Variants in LINGO2 observed in about 807,000 individuals in gnomAD.
LINGO2 encodes leucine-rich repeat and immunoglobulin-like domain-containing nogo receptor-interacting protein 2.
LINGO2 carries 14 observed loss-of-function variants against 30.6 expected under a neutral mutation model. The ratio of observed to expected loss-of-function variants is 0.46; its 90% CI spans 0.30 to 0.72. LINGO2 has a LOEUF of 0.72. Ranked by LOEUF, LINGO2 falls within the 30% of genes least tolerant of loss-of-function variation. The pLI is 0.07. For synonymous variants in LINGO2, 317 were observed against 288.5 expected (o/e 1.10, Z -1.00); for missense variants, 729 against 751.7 (o/e 0.97, Z 0.35).
chr9:29,090,915 T>A, the LINGO2 span, among the ~76,000 whole-genome samples: 7 of 152,190 alleles, frequency 4.6e-5, no homozygotes, highest in East Asian at 1.2e-3. Context: ...TTTTCAGTAA[T>A]TATTATCTTG....
the LINGO2 span, among the ~76,000 whole-genome samples, chr9:29,192,469 T>C: frequency 1.6e-4 from 24 of 152,280 alleles, no homozygotes; most frequent in African/African-American, 5.5e-4. Context: ...CACAGAAGTA[T>C]TGATGGCTCC....
the LINGO2 span, among the ~76,000 whole-genome samples, chr9:28,898,866 C>A: frequency 6.6e-6 from 1 of 152,086 alleles, no homozygotes; most frequent in Non-Finnish European, 1.5e-5. Flanking sequence ...CTCAAACCCC[C>A]ATGACATGAG....
chr9:29,000,959 A>G, the LINGO2 span, among the ~76,000 whole-genome samples: 2 of 152,024 alleles, frequency 1.3e-5, no homozygotes, highest in East Asian at 1.9e-4. Flanking sequence ...AAGGAATAAT[A>G]TCAGAATTTT....
intron 4 of LINGO2, among the ~76,000 whole-genome samples, chr9:28,200,996 CTT>C: frequency 6.9e-6 from 1 of 144,368 alleles, no homozygotes; most frequent in African/African-American, 2.5e-5. Flanking sequence ...ACAGATTCAG[CTT>C]TTTTTTTTTT....
chr9:28,686,941 T>C, the LINGO2 span, among the ~76,000 whole-genome samples: 4 of 152,162 alleles, frequency 2.6e-5, no homozygotes, highest in South Asian at 2.1e-4. Flanking sequence ...TCATTTCAAA[T>C]TCTGTGTCAC....
chr9:28,717,662 TC>T, the LINGO2 span, among the ~76,000 whole-genome samples: 1 of 152,048 alleles, frequency 6.6e-6, no homozygotes, highest in Admixed American at 6.6e-5. Context: ...AGAGTGTTTT[TC>T]CCCACTCAAA....
chr9:28,606,532 A>G (rs1299718967), intron 1 of LINGO2, among the ~76,000 whole-genome samples: 1 of 152,048 alleles, frequency 6.6e-6, no homozygotes. Flanking sequence ...TCATTTAAGG[A>G]TAATACAGAC....
the LINGO2 span, among the ~76,000 whole-genome samples, chr9:28,936,921 G>A: frequency 6.6e-6 from 1 of 152,172 alleles, no homozygotes; most frequent in African/African-American, 2.4e-5. Flanking sequence ...GGCCTCTACT[G>A]GCTTTCAGAT....
chr9:28,081,829 GT>G (rs5897269), intron 4 of LINGO2, among the ~76,000 whole-genome samples: 135,752 of 151,988 alleles, frequency 0.89, 61,003 homozygotes, highest in South Asian at 0.96. Context: ...GTTAGCAATT[GT>G]TTTTTTTTCT....
At chr9:29,116,351 A>C in the LINGO2 span, among the ~76,000 whole-genome samples, 25 of 152,086 alleles carry the variant, frequency 1.6e-4, no homozygotes, top group African/African-American at 5.8e-4. Context: ...TTGTTCAACA[A>C]ATTTGTAAGG....
chr9:29,158,721 T>TA, the LINGO2 span, among the ~76,000 whole-genome samples: 5 of 152,066 alleles, frequency 3.3e-5, no homozygotes, highest in Non-Finnish European at 5.9e-5. Flanking sequence ...CTCAAGGAGA[T>TA]ACGTCTGTGT....
chr9:28,658,248 CTG>C (rs1276900607), intron 1 of LINGO2, among the ~76,000 whole-genome samples: 1 of 152,022 alleles, frequency 6.6e-6, no homozygotes, highest in African/African-American at 2.4e-5. Flanking sequence ...CTATATATGA[CTG>C]TTAAGTCACA....
chr9:28,455,832 C>T lies in LINGO2; in HGVS notation c.-279+20108G>A, dbSNP rs188675832. 2.5e-4 allele frequency among the ~76,000 whole-genome samples: 38 copies of T among 152,152 alleles called. No individual in the cohort carries two copies. In the East Asian group the frequency reaches 6.2e-3, roughly 25 times the overall value. On this transcript the variant is annotated intron_variant, in intron 2 of 5. Coordinates refer to ENST00000379992, the Ensembl canonical transcript of LINGO2. The stretch of plus-strand genomic sequence containing the variant: ...CCTTGTAGAGTATACTCTGAAAGTA[C>T]GAACCATTTGGCAGTTCTTCACCTA...
intron 2 of LINGO2, among the ~76,000 whole-genome samples, chr9:28,422,425 C>T (rs928416276): frequency 1.3e-5 from 2 of 152,014 alleles, no homozygotes; most frequent in African/African-American, 4.8e-5. Context: ...AGATGCTAAA[C>T]ATCACAGTCA....
intron 2 of LINGO2, among the ~76,000 whole-genome samples, chr9:28,392,179 G>C (rs1587602877): frequency 6.6e-6 from 1 of 152,176 alleles, no homozygotes; most frequent in Non-Finnish European, 1.5e-5. Flanking sequence ...TTCCAGCCTG[G>C]TGACAGAGCG....
chr9:28,301,859 A>G (rs1587422342), intron 3 of LINGO2, among the ~76,000 whole-genome samples: 1 of 152,206 alleles, frequency 6.6e-6, no homozygotes, highest in East Asian at 1.9e-4. Flanking sequence ...AGGAGACCCC[A>G]TCAGGCTAAC....
Position 28,272,196 on chromosome 9 carries a change from T to A in LINGO2, c.-87+23012A>T, listed in dbSNP as rs1304868587. Among the ~76,000 whole-genome samples the A allele has an allele frequency of 2.0e-5, 3 of 152,130 alleles. No individual in the cohort carries two copies. The East Asian group carries it at 5.8e-4, about 29-fold the overall frequency. ...TCCCCTTTGCCTACTGACCCCATGC[T>A]GTCCACACTCCACATAGCAGCCAGA... On this transcript the variant is annotated intron_variant, in intron 4 of 5. Coordinates refer to ENST00000379992, the Ensembl canonical transcript of LINGO2.
At chr9:28,930,834 T>A in the LINGO2 span, among the ~76,000 whole-genome samples, 1 of 152,212 alleles carries the variant, frequency 6.6e-6, no homozygotes, top group South Asian at 2.1e-4. The surrounding 1 kb of genome is among the most constrained non-coding windows in gnomAD (Gnocchi z 4.2). Flanking sequence ...TTTACCAGGC[T>A]AATGTACGGC....
At chr9:28,019,398 G>C (rs547725344) in intron 4 of LINGO2, among the ~76,000 whole-genome samples, 1 of 151,634 alleles carries the variant, frequency 6.6e-6, no homozygotes, top group African/African-American at 2.4e-5. Context: ...TGCTGGGTAG[G>C]GAACCATGGA....
Sources: gnomAD v4.1 joint callset for allele counts (sites outside exome capture counted in the v4.1 genomes callset) on GRCh38, gnomAD v4.1.1 for gene constraint, Gnocchi (gnomAD v3.1) non-coding constraint, MANE v1.5 for transcripts, NCBI Gene and HGNC (gene_info 2026-07-23, HGNC 2026-07-21) for gene names.